ASCC1: variants seen among roughly 807,000 people sequenced by gnomAD.
ASCC1 encodes ASC-1 complex subunit P50.
In ASCC1, 35 loss-of-function variants were observed where a neutral mutation model predicts 46.6. That is an observed-to-expected ratio of 0.75 (90% confidence interval 0.57 to 0.99). The LOEUF is 0.99. Ranked by LOEUF, ASCC1 falls within the 50% of genes least tolerant of loss-of-function variation. The pLI is 0.00. For synonymous variants in ASCC1, 143 were observed against 146.6 expected (o/e 0.98, Z 0.18); for missense variants, 376 against 428.7 (o/e 0.88, Z 1.09).
rs188537771 is a variant in ASCC1 at position 72,197,518 on chromosome 10, G to A, written c.311-529C>T. ...GAATATCCTTAAGACAGCTTATAAA[G>A]TAGAAAAATGAATTCAAGTACTACA... is the stretch of plus-strand genomic sequence containing the variant. On this transcript the variant is annotated intron_variant, in intron 4 of 9. Transcript: ENST00000672957. 5.4e-3 allele frequency among the ~76,000 whole-genome samples: 743 copies of A among 136,920 alleles called. 9 individuals carry two copies. The highest frequency in any genetic ancestry group is 0.019 in the African/African-American group (714 of 36,822). The allele number at this position is 136,920 out of a possible 152,430, so 89.8% of individuals were successfully genotyped here.
At chr10:72,146,161 C>G (rs1847601540) in intron 7 of ASCC1, among the ~76,000 whole-genome samples, 1 of 152,226 alleles carries the variant, frequency 6.6e-6, no homozygotes, top group African/African-American at 2.4e-5. Context: ...AGGTGTCCTG[C>G]CCTTCCCGAC....
intron 5 of ASCC1, among the ~76,000 whole-genome samples, chr10:72,183,798 T>A (rs530920366): frequency 9.2e-5 from 14 of 152,176 alleles, no homozygotes; most frequent in Admixed American, 2.6e-4. Flanking sequence ...AATTAAAAAA[T>A]TTTTCAAACA....
At chr10:72,134,045 C>T (rs1307722254) in intron 7 of ASCC1, 2 of 152,238 alleles carry the variant, frequency 1.3e-5, no homozygotes. Context: ...CTTTGGAAGG[C>T]TGAGGCAGGC....
intron 9 of ASCC1, among the ~76,000 whole-genome samples, chr10:72,116,424 T>G (rs1346882737): frequency 2.0e-5 from 3 of 152,242 alleles, no homozygotes; most frequent in Non-Finnish European, 2.9e-5. Context: ...TAAGCTCACT[T>G]AACAGAGTTC....
chr10:72,209,491 T>G (rs1431484919), intron 3 of ASCC1, among the ~76,000 whole-genome samples: 1 of 151,762 alleles, frequency 6.6e-6, no homozygotes, highest in African/African-American at 2.4e-5. Flanking sequence ...AAAAATACAA[T>G]AATAAAAATA....
intron 7 of ASCC1, among the ~76,000 whole-genome samples, chr10:72,151,783 G>A (rs1161262807): frequency 4.0e-5 from 6 of 149,282 alleles, no homozygotes; most frequent in South Asian, 2.1e-4. Flanking sequence ...CCGCTTCCCC[G>A]GTTCAAGTGA....
intron 6 of ASCC1, among the ~76,000 whole-genome samples, chr10:72,160,845 A>G (rs1029122970): frequency 6.6e-6 from 1 of 150,750 alleles, no homozygotes; most frequent in Middle Eastern, 3.2e-3. Flanking sequence ...GCACTTTGGG[A>G]GGCCAAGGCG....
At chr10:72,150,516 T>C (rs1848202594) in intron 7 of ASCC1, among the ~76,000 whole-genome samples, 1 of 152,228 alleles carries the variant, frequency 6.6e-6, no homozygotes, top group Admixed American at 6.5e-5. Flanking sequence ...CCAAAAGCTT[T>C]GATTCAACTA....
chr10:72,191,656 C>T lies in ASCC1; in HGVS notation c.489+5155G>A, dbSNP rs1272558371. 4.0e-5 allele frequency among the ~76,000 whole-genome samples: 6 copies of T among 150,292 alleles called. No individual in the cohort carries two copies. In the Admixed American group the frequency reaches 4.0e-4, roughly 10 times the overall value. ...TTTGAGGGTTAGGAAAAAAAATTTT[C>T]TTTTTTTTTGAGATGGAATTTCACT... On this transcript the variant is annotated intron_variant, in intron 5 of 9. Transcript: ENST00000672957.
At chr10:72,212,865 TTAA>T (rs1554843390) in intron 2 of ASCC1, among the ~76,000 whole-genome samples, 2 of 151,978 alleles carry the variant, frequency 1.3e-5, no homozygotes, top group South Asian at 2.1e-4. Context: ...AATAATATTA[TTAA>T]TAATAATAAT....
chr10:72,142,065 G>A (rs1484039835), intron 7 of ASCC1, among the ~76,000 whole-genome samples: 3 of 152,022 alleles, frequency 2.0e-5, no homozygotes, highest in Non-Finnish European at 2.9e-5. Flanking sequence ...GATTGTAATG[G>A]GAATAAACCT....
chr10:72,143,495 G>A lies in ASCC1; in HGVS notation c.746+9374C>T, dbSNP rs529135638. On this transcript the variant is annotated intron_variant, in intron 7 of 9. Coordinates refer to ENST00000672957, the MANE Select transcript of ASCC1 (RefSeq NM_001198800.3). The stretch of plus-strand genomic sequence containing the variant: ...TGGGATTACAGATGCATACCACCAC[G>A]CCTCAAACTCCCTTATTATTTCCTA... Among the ~76,000 whole-genome samples the A allele has an allele frequency of 6.6e-5, 10 of 151,326 alleles. No individual in the cohort carries two copies. The East Asian group carries it at 1.2e-3, about 18-fold the overall frequency.
In ASCC1 at chr10:72,143,366, TTTG is replaced by T. The variant is rs1268465086; in HGVS notation, c.746+9500_746+9502del. Among the ~76,000 whole-genome samples the T allele has an allele frequency of 1.1e-4, 16 of 151,730 alleles. No homozygotes were observed. In the East Asian group the frequency reaches 2.1e-3, roughly 20 times the overall value. ...GTCAATCACCTTACTAAACTCCCTT[TTTG>T]TTGTTGTTGTTGTTGTTAAGAGACA... is the stretch of plus-strand genomic sequence containing the variant. On this transcript the variant is annotated intron_variant, in intron 7 of 9. Coordinates refer to ENST00000672957, the MANE Select transcript of ASCC1 (RefSeq NM_001198800.3).
chr10:72,193,135 A>G (rs941192212), intron 5 of ASCC1, among the ~76,000 whole-genome samples: 12 of 152,178 alleles, frequency 7.9e-5, no homozygotes, highest in Non-Finnish European at 2.9e-5. Context: ...ATTCCTGGGT[A>G]TTTTACTGTA....
chr10:72,209,009 C>G (rs1337254997), intron 3 of ASCC1, among the ~76,000 whole-genome samples: 1 of 151,734 alleles, frequency 6.6e-6, no homozygotes, highest in Non-Finnish European at 1.5e-5. Context: ...ACCAAAAATA[C>G]AAAAAATTAG....
intron 7 of ASCC1, among the ~76,000 whole-genome samples, chr10:72,147,140 T>C (rs1408483080): frequency 6.6e-6 from 1 of 151,296 alleles, no homozygotes; most frequent in African/African-American, 2.4e-5. Flanking sequence ...AAGTGGCTAT[T>C]GTCAGGAAGA....
intron 5 of ASCC1, among the ~76,000 whole-genome samples, chr10:72,168,280 A>C (rs961842325): frequency 6.6e-6 from 1 of 152,212 alleles, no homozygotes; most frequent in African/African-American, 2.4e-5. Flanking sequence ...AAAGACAGAC[A>C]CTTCACATGA....
rs572844140 is a variant in ASCC1, at chr10:72,211,090, G to A, written c.113-259C>T. 9.9e-5 allele frequency among the ~76,000 whole-genome samples: 15 copies of A among 152,214 alleles called. 1 individual carries two copies. The highest frequency in any genetic ancestry group is 5.9e-4 in the Admixed American group (9 of 15,260). On this transcript the variant is annotated intron_variant, in intron 2 of 9. Coordinates refer to ENST00000672957, the MANE Select transcript of ASCC1 (RefSeq NM_001198800.3). ...CCCTGGGAAGGTAGCATATGCATACGGTAGTTCCCCCCATCTGTGGTTTCG... is the reference window on the plus strand; with the variant it reads ...CCCTGGGAAGGTAGCATATGCATACAGTAGTTCCCCCCATCTGTGGTTTCG...
intron 5 of ASCC1, among the ~76,000 whole-genome samples, chr10:72,178,750 T>G (rs1306586004): frequency 2.0e-5 from 3 of 152,130 alleles, no homozygotes; most frequent in Admixed American, 2.0e-4. Context: ...CTGCTACGAT[T>G]GTGGTAATTT....
Sources: allele counts gnomAD v4.1 joint callset (sites outside exome capture counted in the v4.1 genomes callset), GRCh38; gene constraint gnomAD v4.1.1; transcripts MANE v1.5; gene names NCBI Gene and HGNC (gene_info 2026-07-23, HGNC 2026-07-21).